MKLN1: variants seen among roughly 807,000 people sequenced by gnomAD.
MKLN1 encodes the protein muskelin 1, also known as muskelin.
MKLN1 carries 18 observed loss-of-function variants against 99.0 expected under a neutral mutation model. The ratio of observed to expected loss-of-function variants is 0.18; its 90% CI spans 0.13 to 0.27. The LOEUF is 0.27. Among genes scored for constraint, MKLN1 ranks in the 10% least tolerant of loss-of-function variants. MKLN1 has a pLI of 1.00. For synonymous variants in MKLN1, 288 were observed against 293.2 expected (o/e 0.98, Z 0.18); for missense variants, 621 against 875.9 (o/e 0.71, Z 3.67).
intron 8 of MKLN1, among the ~76,000 whole-genome samples, chr7:131,428,270 C>T (rs1028678521): frequency 2.6e-5 from 4 of 152,034 alleles, no homozygotes; most frequent in Admixed American, 6.6e-5. Context: ...GTTTTGTCAG[C>T]GGTAAAGTCT....
chr7:131,331,662 G>A (rs1799079160), intron 1 of MKLN1, among the ~76,000 whole-genome samples: 1 of 152,036 alleles, frequency 6.6e-6, no homozygotes, highest in South Asian at 2.1e-4. Flanking sequence ...AGGTGATAAG[G>A]TTCTCATATT....
intron 8 of MKLN1, among the ~76,000 whole-genome samples, chr7:131,420,191 A>T (rs1242532216): frequency 2.1e-5 from 3 of 146,044 alleles, no homozygotes; most frequent in African/African-American, 5.0e-5. Flanking sequence ...AAGTATAATT[A>T]AAAAAAAAAA....
chr7:131,429,007 TACACA>T, intron 8 of MKLN1, 21 bp from the exon 9 acceptor site: 1 of 1,576,994 alleles, frequency 6.3e-7, no homozygotes. Context: ...CTTTTTTTTT[TACACA>T]TATTTTTCTG....
intron 12 of MKLN1, among the ~76,000 whole-genome samples, chr7:131,459,489 G>A (rs1013699467): frequency 1.3e-5 from 2 of 152,178 alleles, no homozygotes; most frequent in South Asian, 4.1e-4. Flanking sequence ...GCAGAAGAAG[G>A]TGAGAAAGAA....
At chr7:131,378,882 CTTT>C in intron 2 of MKLN1, among the ~76,000 whole-genome samples, 1 of 128,758 alleles carries the variant, frequency 7.8e-6, no homozygotes, top group Non-Finnish European at 1.7e-5. Flanking sequence ...AAAGCTGGGA[CTTT>C]TTTTTTTTTT....
At chr7:131,438,421 ATTTTG>A (rs1325864106) in intron 10 of MKLN1, among the ~76,000 whole-genome samples, 2 of 150,468 alleles carry the variant, frequency 1.3e-5, no homozygotes, top group Non-Finnish European at 3.0e-5. Flanking sequence ...AGTGAAATAT[ATTTTG>A]TTTTGTTTAT....
chr7:131,133,353 C>CTTTTTTTTTTT (rs1198245681), intron 1 of MKLN1, among the ~76,000 whole-genome samples: 27 of 93,622 alleles, frequency 2.9e-4, no homozygotes, highest in Non-Finnish European at 3.9e-4. Context: ...TTCTTTCTTT[C>CTTTTTTTTTTT]TTTTTTTTTT....
At chr7:131,384,845 A>G (rs535002664) in intron 2 of MKLN1, among the ~76,000 whole-genome samples, 41 of 152,356 alleles carry the variant, frequency 2.7e-4, no homozygotes, top group African/African-American at 9.9e-4. Context: ...TTTCATTGCC[A>G]TTCTTAACAC....
intron 12 of MKLN1, among the ~76,000 whole-genome samples, chr7:131,454,213 A>G (rs1173515099): frequency 6.6e-6 from 1 of 152,182 alleles, no homozygotes; most frequent in Non-Finnish European, 1.5e-5. Context: ...TTATTGTAGT[A>G]TTGTATGCAA....
At chr7:131,409,973 A>AT (rs556390035) in intron 6 of MKLN1, among the ~76,000 whole-genome samples, 83 of 151,736 alleles carry the variant, frequency 5.5e-4, no homozygotes, top group African/African-American at 1.6e-3. Context: ...ATAAAAGTAG[A>AT]TTTTTTTTTC....
At chr7:131,459,218 C>T (rs1417404270) in intron 12 of MKLN1, among the ~76,000 whole-genome samples, 6 of 152,196 alleles carry the variant, frequency 3.9e-5, no homozygotes, top group African/African-American at 7.2e-5. Context: ...CTTCTTCCTC[C>T]TGGGAATGGG....
At chr7:131,209,440 G>T (rs1563253085) in intron 3 of MKLN1, among the ~76,000 whole-genome samples, 1 of 152,198 alleles carries the variant, frequency 6.6e-6, no homozygotes, top group Non-Finnish European at 1.5e-5. Context: ...GGTGTATGGG[G>T]TGTATGTGGA....
rs763797168 is a variant in MKLN1 at position 131,397,250 on chromosome 7, G to T, written c.401-17G>T. 6.7e-7 allele frequency: 1 copy of T among 1,503,452 alleles called. No individual in the cohort carries two copies. The highest frequency in any genetic ancestry group is 9.2e-7 in the Non-Finnish European group (1 of 1,090,566). The allele number at this position is 1,503,452 out of a possible 1,614,324, so 93.1% of individuals were successfully genotyped here. On this transcript the variant is annotated splice_polypyrimidine_tract_variant and intron_variant, in intron 4 of 17. Transcript: ENST00000352689. ...TGTTAATATTTTTCTTCTTCTTTTT[G>T]TTTTTTCTCCTTAAAGTTCCACTCT...
intron 2 of MKLN1, among the ~76,000 whole-genome samples, chr7:131,189,442 T>C (rs1406730316): frequency 6.6e-6 from 1 of 152,076 alleles, no homozygotes; most frequent in East Asian, 1.9e-4. Context: ...TGGTATGATA[T>C]GGCTGTCTGT....
intron 4 of MKLN1, among the ~76,000 whole-genome samples, chr7:131,389,925 T>C (rs1462456119): frequency 6.6e-6 from 1 of 152,000 alleles, no homozygotes; most frequent in African/African-American, 2.4e-5. Flanking sequence ...TTCTAATTTA[T>C]AACCATGTTG....
intron 2 of MKLN1, among the ~76,000 whole-genome samples, chr7:131,169,157 G>A (rs528499894): frequency 6.6e-6 from 1 of 152,256 alleles, no homozygotes; most frequent in Admixed American, 6.5e-5. Flanking sequence ...GAGCCACCTC[G>A]CCCGGCCAGC....
chr7:131,159,850 T>TAAC (rs1796021404), intron 2 of MKLN1, among the ~76,000 whole-genome samples: 1 of 152,178 alleles, frequency 6.6e-6, no homozygotes, highest in Non-Finnish European at 1.5e-5. Context: ...TTACATATGT[T>TAAC]AACTATCTGA....
chr7:131,162,659 G>A (rs965120272), intron 2 of MKLN1, among the ~76,000 whole-genome samples: 6 of 152,190 alleles, frequency 3.9e-5, no homozygotes, highest in African/African-American at 7.2e-5. Context: ...TCTCATTTAT[G>A]TATATGCAGA....
At chr7:131,439,865 AACACACACAC>A (rs57399724) in intron 10 of MKLN1, among the ~76,000 whole-genome samples, 9,340 of 146,134 alleles carry the variant, frequency 0.064, 368 homozygotes, top group Middle Eastern at 0.1. Context: ...AAAAGATTTA[AACACACACAC>A]ACACACACAC....
Sources: allele counts gnomAD v4.1 joint callset (sites outside exome capture counted in the v4.1 genomes callset), GRCh38; gene constraint gnomAD v4.1.1; transcripts MANE v1.5; gene names NCBI Gene and HGNC (gene_info 2026-07-23, HGNC 2026-07-21).